The following CACNG6 variants were observed in gnomAD, a reference collection of about 807,000 sequenced individuals.
CACNG6 encodes the protein calcium voltage-gated channel auxiliary subunit gamma 6.
In CACNG6, 21 loss-of-function variants were observed where a neutral mutation model predicts 23.9. The ratio of observed to expected loss-of-function variants is 0.88; its 90% CI spans 0.62 to 1.26. The LOEUF is 1.26. CACNG6 is among the 50% of genes most tolerant of loss of function. The probability of loss-of-function intolerance (pLI) is 0.00; values close to 1 mark genes in which losing one functional copy is unlikely to be tolerated. For synonymous variants in CACNG6, 182 were observed against 168.9 expected (o/e 1.08, Z -0.60); for missense variants, 340 against 352.9 (o/e 0.96, Z 0.29).
intron 1 of CACNG6, among the ~76,000 whole-genome samples, chr19:53,996,201 AC>A (rs1160081849): frequency 1.3e-5 from 2 of 151,918 alleles, no homozygotes; most frequent in Non-Finnish European, 2.9e-5. Flanking sequence ...GTTATTCTCG[AC>A]CTCTCTTCTC....
chr19:53,994,224 C>T (rs2069498143), intron 1 of CACNG6, among the ~76,000 whole-genome samples: 1 of 152,178 alleles, frequency 6.6e-6, no homozygotes, highest in African/African-American at 2.4e-5. Context: ...CCTACTGCTT[C>T]CACCAAACCA....
chr19:54,009,188 C>T (rs2069677745), intron 3 of CACNG6, among the ~76,000 whole-genome samples: 2 of 151,616 alleles, frequency 1.3e-5, no homozygotes, highest in East Asian at 1.9e-4. Context: ...TTTGGGAGGC[C>T]GAGGCAGGTG....
At chr19:54,006,517 C>CT (rs1236056716) in intron 3 of CACNG6, among the ~76,000 whole-genome samples, 278 of 107,262 alleles carry the variant, frequency 2.6e-3, no homozygotes, top group African/African-American at 3.8e-3. Context: ...TTCCTTCTTT[C>CT]TTTTCTTTTT....
upstream of CACNG6, among the ~76,000 whole-genome samples, chr19:53,991,361 T>C (rs1207829642): frequency 1.3e-5 from 2 of 151,272 alleles, no homozygotes; most frequent in South Asian, 2.1e-4. Flanking sequence ...GCCCCGCCCG[T>C]CTCCTGCTGC....
At chr19:54,004,353 G>GTGTGTA (rs2069614934) in intron 3 of CACNG6, among the ~76,000 whole-genome samples, 1 of 120,298 alleles carries the variant, frequency 8.3e-6, no homozygotes, top group Non-Finnish European at 1.6e-5. Flanking sequence ...GTGTGTGTGT[G>GTGTGTA]TGTGTGTGTG....
chr19:54,003,735 T>C (rs972595409), intron 3 of CACNG6, among the ~76,000 whole-genome samples: 1 of 152,178 alleles, frequency 6.6e-6, no homozygotes, highest in African/African-American at 2.4e-5. Flanking sequence ...GTTTCACTAA[T>C]CCAAGCCACG....
chr19:54,003,386 A>C (rs906116644), intron 3 of CACNG6, among the ~76,000 whole-genome samples: 4 of 151,962 alleles, frequency 2.6e-5, no homozygotes, highest in South Asian at 4.2e-4. Context: ...TTTTTGAGAC[A>C]GTTTTGCTCT....
Position 54,012,018 on chromosome 19 carries a change from C to T in CACNG6, c.612C>T (p.Ser204=). The T allele has an allele frequency of 6.2e-7, 1 of 1,605,288 alleles. No homozygotes were observed. The highest frequency in any genetic ancestry group is 2.3e-5 in the East Asian group (1 of 43,580). Residue 204 remains serine (S), a synonymous_variant, in exon 4 of 4, where the codon AGC becomes AGT. Coordinates refer to ENST00000252729, the MANE Select transcript of CACNG6 (RefSeq NM_145814.2). ...HSVRALLQRV[S]PEPPPAPRLT... Reference sequence around the variant, plus strand: ...TGAGGGCCCTGCTGCAGAGAGTCAGCCCGGAGCCTCCCCCGGCCCCACGCC... The same window carrying T: ...TGAGGGCCCTGCTGCAGAGAGTCAGTCCGGAGCCTCCCCCGGCCCCACGCC...
chr19:54,010,013 C>G (rs1180430886), intron 3 of CACNG6, among the ~76,000 whole-genome samples: 3 of 149,736 alleles, frequency 2.0e-5, no homozygotes, highest in Non-Finnish European at 4.4e-5. Context: ...TTTTAAAAAA[C>G]TTGCATGGAG....
chr19:54,009,165 G>A (rs978698416), intron 3 of CACNG6, among the ~76,000 whole-genome samples: 3 of 152,028 alleles, frequency 2.0e-5, no homozygotes, highest in African/African-American at 7.2e-5. Context: ...GCTCACGTCT[G>A]TAATCCCAGC....
chr19:54,009,752 G>A (rs879424368), intron 3 of CACNG6, among the ~76,000 whole-genome samples: 11 of 145,564 alleles, frequency 7.6e-5, no homozygotes, highest in Non-Finnish European at 1.3e-4. Flanking sequence ...TCTCTATCAT[G>A]TTCTTTCTTT....
chr19:54,003,595 AG>A (rs2069603071), intron 3 of CACNG6, among the ~76,000 whole-genome samples: 1 of 152,076 alleles, frequency 6.6e-6, no homozygotes, highest in African/African-American at 2.4e-5. Flanking sequence ...TCCTGACCTC[AG>A]GTGATCCACC....
rs1334248469 is a variant in CACNG6 at position 54,006,119 on chromosome 19, T to TAAATAAATAAATAAATAAAA, written c.545-5829_545-5828insTAAATAAATAAATAAAAAAA. On this transcript the variant is annotated intron_variant, in intron 3 of 3. Transcript: ENST00000252729. ...ATAAATAAATAAATAAATAAATAAA[T>TAAATAAATAAATAAATAAAA]AAAATAAGAAAGAAAGAAGACTCAT... Among the ~76,000 whole-genome samples the TAAATAAATAAATAAATAAAA allele has an allele frequency of 1.4e-4, 21 of 145,150 alleles. 1 individual carries two copies. The highest frequency in any genetic ancestry group is 2.1e-4 in the South Asian group (1 of 4,756).
At chr19:54,006,517 C>CTTTCTTTTTTTTTTTTTT (rs2069646652) in intron 3 of CACNG6, among the ~76,000 whole-genome samples, 9 of 107,332 alleles carry the variant, frequency 8.4e-5, no homozygotes, top group African/African-American at 3.0e-4. Flanking sequence ...TTCCTTCTTT[C>CTTTCTTTTTTTTTTTTTT]TTTTCTTTTT....
chr19:54,010,036 C>CTTTT lies in CACNG6; in HGVS notation c.545-1912_545-1911insTTTT, dbSNP rs199976621. Among the ~76,000 whole-genome samples the CTTTT allele has an allele frequency of 1.4e-3, 134 of 97,910 alleles. 4 individuals carry two copies. Among genetic ancestry groups the CTTTT allele is most frequent in the African/African-American group, 4.0e-3 (101 of 25,040 alleles). 64.2% of individuals were successfully genotyped at this position (97,910 alleles called of 152,430 possible). On this transcript the variant is annotated intron_variant, in intron 3 of 3. Transcript: ENST00000252729. ...AACTTGCATGGAGACTATTTCTTTT[C>CTTTT]TTTCTTTTTTTTTTTTTTTTGTTGC...
chr19:54,007,999 C>T (rs2069666060), intron 3 of CACNG6, among the ~76,000 whole-genome samples: 1 of 152,080 alleles, frequency 6.6e-6, no homozygotes, highest in African/African-American at 2.4e-5. Flanking sequence ...TGTTGGGCTG[C>T]ATGGAGCAAA....
At chr19:54,008,434 G>A (rs1223656283) in intron 3 of CACNG6, among the ~76,000 whole-genome samples, 1 of 152,170 alleles carries the variant, frequency 6.6e-6, no homozygotes, top group Non-Finnish European at 1.5e-5. Context: ...AGCAGGGTCA[G>A]GAACTGGGGT....
rs866884515 is a variant in CACNG6 at position 53,999,734 on chromosome 19, C to T, written c.507C>T (p.Phe169=). 2 of 1,614,070 alleles carry T rather than the reference C, an allele frequency of 1.2e-6. No individual in the cohort carries two copies. The highest frequency in any genetic ancestry group is 1.7e-6 in the Non-Finnish European group (2 of 1,180,028). The change falls in exon 3 of 4, where the codon TTC becomes TTT. Residue 169 remains phenylalanine (F), a synonymous_variant. Coordinates refer to ENST00000252729, the MANE Select transcript of CACNG6 (RefSeq NM_145814.2). ...TGGTGCTCAGTAAAGGTGCAGAGTT[C>T]CTGCTCCGAGTTGGAGCCGTCTGCT... ...IIMVLSKGAE[F]LLRVGAVCFG... is the part of the protein sequence containing the mutation.
chr19:54,004,353 G>GTC (rs1247825619), intron 3 of CACNG6, among the ~76,000 whole-genome samples: 21 of 120,298 alleles, frequency 1.7e-4, no homozygotes, highest in Admixed American at 7.8e-4. Flanking sequence ...GTGTGTGTGT[G>GTC]TGTGTGTGTG....
Sources: gnomAD v4.1 joint callset for allele counts (sites outside exome capture counted in the v4.1 genomes callset) on GRCh38, gnomAD v4.1.1 for gene constraint, MANE v1.5 for transcripts, NCBI Gene and HGNC (gene_info 2026-07-23, HGNC 2026-07-21) for gene names.